The following UBP1 variants were observed in gnomAD, a reference collection of about 807,000 sequenced individuals.
The protein encoded by UBP1 is upstream-binding protein 1.
UBP1 carries 22 observed loss-of-function variants against 76.1 expected under a neutral mutation model. That is an observed-to-expected ratio of 0.29 (90% confidence interval 0.21 to 0.41). The LOEUF (loss-of-function observed/expected upper bound fraction) is 0.41, where lower values mean the gene tolerates loss of function less well. Among genes scored for constraint, UBP1 ranks in the 10% least tolerant of loss-of-function variants. The pLI, the probability that UBP1 is intolerant of heterozygous loss-of-function variation, is 1.00. For synonymous variants in UBP1, 224 were observed against 237.1 expected (o/e 0.94, Z 0.51); for missense variants, 436 against 668.1 (o/e 0.65, Z 3.83).
intron 1 of UBP1, among the ~76,000 whole-genome samples, chr3:33,431,719 G>A (rs1204194278): frequency 1.3e-5 from 2 of 148,758 alleles, no homozygotes; most frequent in African/African-American, 5.0e-5. Flanking sequence ...CAGCCTGGGC[G>A]ACAGAGTGAG....
At position 33,413,802 on chromosome 3, in the gene UBP1, C is replaced by G. The variant is rs113318657; in HGVS notation, c.343-975G>C. 1.4e-3 allele frequency among the ~76,000 whole-genome samples: 210 copies of G among 152,218 alleles called. 3 individuals are homozygous for G. The highest frequency in any genetic ancestry group is 4.8e-3 in the African/African-American group (201 of 41,526). On this transcript the variant is annotated intron_variant, in intron 3 of 15. Coordinates refer to ENST00000283629, the MANE Select transcript of UBP1 (RefSeq NM_014517.5). Reference sequence around the variant, plus strand: ...TGCACCCACACCTGCAGGGCCTGTCCAAGCAATTACCCAGCACCCACTTCA... The same window carrying G: ...TGCACCCACACCTGCAGGGCCTGTCGAAGCAATTACCCAGCACCCACTTCA...
At chr3:33,402,006 C>T (rs1559673542) in intron 9 of UBP1, among the ~76,000 whole-genome samples, 1 of 151,852 alleles carries the variant, frequency 6.6e-6, no homozygotes, top group East Asian at 1.9e-4. Context: ...TCCATCTCCT[C>T]AGGGGGAGAG....
Position 33,409,481 on chromosome 3 carries a change from G to T in UBP1, c.676C>A (p.His226Asn). The change falls in exon 6 of 16, where the codon CAC (histidine) becomes AAC (asparagine). Residue 226 changes from histidine (H) to asparagine (N), a missense_variant. His to Asn is a moderately conservative substitution (Grantham distance 68, BLOSUM62 1). This residue lies in a region of UBP1 where 65 missense variants were observed against 157.4 expected (regional missense o/e 0.41). Coordinates refer to ENST00000283629, the MANE Select transcript of UBP1 (RefSeq NM_014517.5). The stretch of plus-strand genomic sequence containing the variant: ...ACTTTGATTTGGCAGCTAGCTGAGT[G>T]TAGATGATCTGTGTATTCTCCATTT... ...NENGEYTDHL[H>N]SASCQIKVFK... 1.2e-6 allele frequency: 2 copies of T among 1,614,198 alleles called. No individual in the cohort carries two copies. The highest frequency in any genetic ancestry group is 1.7e-6 in the Non-Finnish European group (2 of 1,180,034).
intron 13 of UBP1, among the ~76,000 whole-genome samples, chr3:33,393,841 C>T (rs956893460): frequency 3.3e-5 from 5 of 152,148 alleles, no homozygotes; most frequent in Admixed American, 2.0e-4. Context: ...GGAACTCAAA[C>T]TGAATTTTGA....
chr3:33,421,233 G>C (rs981469693), intron 2 of UBP1, among the ~76,000 whole-genome samples: 1 of 146,102 alleles, frequency 6.8e-6, no homozygotes, highest in African/African-American at 2.5e-5. Context: ...TAAAGTCAGG[G>C]ACTTAACTCC....
Position 33,425,619 on chromosome 3 carries a change from T to C in UBP1, c.236A>G (p.His79Arg), listed in dbSNP as rs1323044031. 4 of 1,573,740 alleles carry C rather than the reference T, an allele frequency of 2.5e-6. No individual in the cohort carries two copies. Among genetic ancestry groups the C allele is most frequent in the Non-Finnish European group, 8.7e-7 (1 of 1,150,200 alleles). ...GTTCAAATAAGTAAGCGTTTCATCA[T>C]GCAGTTTTACTGCTGGTGACGTTGC... ...CAATSPAVKL[H>R]DETLTYLNQG... Residue 79 changes from histidine (H) to arginine (R), a missense_variant, in exon 2 of 16, where the codon CAT becomes CGT. Physicochemically the swap from His to Arg is conservative, Grantham distance 29. This residue lies in a region of UBP1 where 161 missense variants were observed against 237.9 expected (regional missense o/e 0.68). Transcript: ENST00000283629.
chr3:33,406,812 G>C (rs766328128), intron 8 of UBP1, among the ~76,000 whole-genome samples: 3 of 152,172 alleles, frequency 2.0e-5, no homozygotes, highest in Non-Finnish European at 4.4e-5. Context: ...TTAGGCTGTA[G>C]AAATTGGCAG....
In UBP1 at chr3:33,413,559, A is replaced by C. The variant is rs193185228; in HGVS notation, c.343-732T>G. Among the ~76,000 whole-genome samples the C allele has an allele frequency of 1.4e-3, 210 of 151,904 alleles. 2 individuals are homozygous for C. Among genetic ancestry groups the C allele is most frequent in the African/African-American group, 4.7e-3 (194 of 41,398 alleles). Reference sequence around the variant, plus strand: ...GAGACTCCATCACAAAAAAAAAAAAAAAAAAACTTTGAGTTTTGAAAAAAA... The same window carrying C: ...GAGACTCCATCACAAAAAAAAAAAACAAAAAACTTTGAGTTTTGAAAAAAA... On this transcript the variant is annotated intron_variant, in intron 3 of 15. Transcript: ENST00000283629.
In UBP1 at chr3:33,409,245, G is replaced by T. The variant is rs906950933; in HGVS notation, c.810C>A (p.Ile270=). Residue 270 remains isoleucine, a synonymous_variant, in exon 7 of 16, where the codon ATC becomes ATA. Coordinates refer to ENST00000283629, the MANE Select transcript of UBP1 (RefSeq NM_014517.5). ...TGCTTTACTACATTACCTCTGTGAG[G>T]ATTGTGGTATCATAGGACGGCTGAT... ...EKYQPSYDTT[I]LTEMRLEPII... is the part of the protein sequence containing the mutation. The T allele has an allele frequency of 1.2e-6, 2 of 1,613,822 alleles. No individual in the cohort carries two copies. Among genetic ancestry groups the T allele is most frequent in the Middle Eastern group, 1.7e-4 (1 of 5,964 alleles).
At chr3:33,432,429 A>G (rs966100373) in intron 1 of UBP1, among the ~76,000 whole-genome samples, 8 of 152,210 alleles carry the variant, frequency 5.3e-5, no homozygotes, top group African/African-American at 1.7e-4. Context: ...AATGTTTTCA[A>G]ATTTCTTGAT....
intron 1 of UBP1, among the ~76,000 whole-genome samples, chr3:33,427,386 C>T (rs1382394934): frequency 1.3e-5 from 2 of 152,148 alleles, no homozygotes; most frequent in Non-Finnish European, 2.9e-5. Flanking sequence ...CTGAGCTGTA[C>T]GTTTGTATCT....
chr3:33,411,451 TA>T, intron 5 of UBP1, 129 bp downstream of exon 5: 1 of 720,132 alleles, frequency 1.4e-6, no homozygotes, highest in Non-Finnish European at 2.3e-6. Context: ...CCTAACTATG[TA>T]TATAGAAAGA....
In UBP1 at chr3:33,405,433, C is replaced by G. The variant is rs190564883; in HGVS notation, c.928-2529G>C. ...AACGCAAATCACCACCACGCCAGAA[C>G]ATTGCCTCCTTTGCAGCTATTTAAA... On this transcript the variant is annotated intron_variant, in intron 8 of 15. Transcript: ENST00000283629. 7.7e-3 allele frequency among the ~76,000 whole-genome samples: 1,179 copies of G among 152,338 alleles called. 8 individuals are homozygous for G. Among genetic ancestry groups the G allele is most frequent in the Middle Eastern group, 0.048 (14 of 294 alleles).
At chr3:33,392,169 CACT>C (rs1297667581) in intron 15 of UBP1, 1 of 163,554 alleles carries the variant, frequency 6.1e-6, no homozygotes, top group Non-Finnish European at 1.3e-5. Flanking sequence ...AGTACCCCCA[CACT>C]TTCCTGTTCC....
chr3:33,428,181 C>CAAAAAAAAAAAAAAAAAAAAAAAAAAAA, intron 1 of UBP1, among the ~76,000 whole-genome samples: 1 of 57,234 alleles, frequency 1.7e-5, no homozygotes, highest in Non-Finnish European at 3.4e-5. Context: ...GATTCCATCT[C>CAAAAAAAAAAAAAAAAAAAAAAAAAAAA]AAAAAAAAAA....
Position 33,411,821 on chromosome 3 carries a change from A to G in UBP1, c.449-134T>C, listed in dbSNP as rs1398823808. 1.6e-5 allele frequency: 11 copies of G among 682,408 alleles called. No homozygotes were observed. In the Admixed American group the frequency reaches 2.1e-4, roughly 13 times the overall value. The allele number at this position is 682,408 out of a possible 1,614,324, so 42.3% of individuals were successfully genotyped here. A position where few individuals can be genotyped will look rare whatever the true frequency, so the allele number is the denominator to read the frequency against. On this transcript the variant is annotated intron_variant, in intron 4 of 15. Coordinates refer to ENST00000283629, the MANE Select transcript of UBP1 (RefSeq NM_014517.5). Reference sequence around the variant, plus strand: ...TGTCTTTCAATGGTCTCCATGATCAACTTCTTCAACATCGAAACCCACCCT... The same window carrying G: ...TGTCTTTCAATGGTCTCCATGATCAGCTTCTTCAACATCGAAACCCACCCT...
chr3:33,412,789 T>C lies in UBP1; in HGVS notation c.381A>G (p.Gln127=). ...CTTCAAGTTGCTGATGCTCTGTGTA[T>C]TGTAGCCGTCTGTCATGGAATACAA... The part of the protein sequence containing the change: ...IRVVFHDRRL[Q]YTEHQQLEGW... Residue 127 remains glutamine, a synonymous_variant, in exon 4 of 16, where the codon CAA becomes CAG. Coordinates refer to ENST00000283629, the MANE Select transcript of UBP1 (RefSeq NM_014517.5). 6.2e-7 allele frequency: 1 copy of C among 1,614,136 alleles called. No individual in the cohort carries two copies. Among genetic ancestry groups the C allele is most frequent in the African/African-American group, 1.3e-5 (1 of 75,054 alleles).
At chr3:33,426,010 TATATATATATATATATATATATATA>T (rs1336166439) in intron 1 of UBP1, among the ~76,000 whole-genome samples, 1 of 86,214 alleles carries the variant, frequency 1.2e-5, no homozygotes, top group Non-Finnish European at 2.3e-5. Flanking sequence ...TATATATATA[TATATATATATATATATATATATATA>T]TATAGCACTT....
intron 1 of UBP1, among the ~76,000 whole-genome samples, chr3:33,432,098 C>G (rs1187054739): frequency 6.6e-6 from 1 of 152,110 alleles, no homozygotes; most frequent in East Asian, 1.9e-4. Context: ...GAGGCCGAGA[C>G]AGGCGGACTG....
Sources: gnomAD v4.1 joint callset for allele counts (sites outside exome capture counted in the v4.1 genomes callset) on GRCh38, gnomAD v4.1.1 for gene constraint, gnomAD v4.1.1 regional missense constraint, MANE v1.5 for transcripts, NCBI Gene and HGNC (gene_info 2026-07-23, HGNC 2026-07-21) for gene names.